The following PRKN variants were observed in gnomAD, a reference collection of about 807,000 sequenced individuals.
PRKN encodes E3 ubiquitin-protein ligase parkin.
Under a neutral mutation model 59.5 loss-of-function variants are expected in PRKN, and 56 were observed. The ratio of observed to expected loss-of-function variants is 0.94; its 90% confidence interval spans 0.76 to 1.18. The LOEUF is 1.18. Among genes scored for constraint, PRKN ranks in the 50% most tolerant of loss-of-function variants. The probability of loss-of-function intolerance (pLI) is 0.00; values close to 1 mark genes in which losing one functional copy is unlikely to be tolerated. For missense variants in PRKN, 657 were observed against 596.4 expected, an observed-to-expected ratio of 1.10 and a Z score of -1.06; for synonymous variants, 250 against 222.1, an observed-to-expected ratio of 1.13 and a Z score of -1.12.
At chr6:162,416,323 T>C (rs764648329) in intron 2 of PRKN, among the ~76,000 whole-genome samples, 6 of 152,230 alleles carry the variant, frequency 3.9e-5, no homozygotes, top group Non-Finnish European at 8.8e-5. Context: ...AAGATAATCG[T>C]AGCAGAGCAG....
chr6:161,711,768 T>G (rs774816343), intron 7 of PRKN, among the ~76,000 whole-genome samples: 14 of 152,206 alleles, frequency 9.2e-5, no homozygotes, highest in Non-Finnish European at 1.9e-4. Context: ...AAGAGCAGAC[T>G]GGCTGAGTCT....
At chr6:161,936,581 T>C (rs558367932) in intron 6 of PRKN, among the ~76,000 whole-genome samples, 1 of 152,220 alleles carries the variant, frequency 6.6e-6, no homozygotes, top group African/African-American at 2.4e-5. Context: ...AGAAAACGTC[T>C]GCTTATTATG....
At chr6:162,221,443 T>C (rs1414627847) in intron 3 of PRKN, among the ~76,000 whole-genome samples, 1 of 152,206 alleles carries the variant, frequency 6.6e-6, no homozygotes, top group Non-Finnish European at 1.5e-5. Flanking sequence ...CACTTTGCTA[T>C]CTTAAACCAA....
intron 5 of PRKN, among the ~76,000 whole-genome samples, chr6:162,020,354 A>C (rs1191763931): frequency 6.7e-6 from 1 of 148,690 alleles, no homozygotes; most frequent in African/African-American, 2.5e-5. Flanking sequence ...AAAAAAAAAA[A>C]AAAACAGATA....
At position 161,530,308 on chromosome 6, in the gene PRKN, A is replaced by C. The variant is rs1426585907; in HGVS notation, c.1083+18546T>G. The stretch of plus-strand genomic sequence containing the variant: ...GTTCAATATAAAAGTATCATTCCCC[A>C]CCCAGACCTGTCCCAGTGTCTAGGG... On this transcript the variant is annotated intron_variant, in intron 9 of 11. Coordinates refer to ENST00000366898, the MANE Select transcript of PRKN (RefSeq NM_004562.3). The surrounding 1 kb of genome is among the most constrained non-coding windows in gnomAD (Gnocchi z 5.0). Among the ~76,000 whole-genome samples the C allele has an allele frequency of 1.3e-5, 2 of 152,126 alleles. No homozygotes were observed.
At chr6:161,838,257 A>G in intron 6 of PRKN, among the ~76,000 whole-genome samples, 1 of 152,190 alleles carries the variant, frequency 6.6e-6, no homozygotes, top group East Asian at 1.9e-4. Context: ...CATGACCCAA[A>G]TTTTTAAACC....
At chr6:162,259,546 C>T (rs569612962) in intron 3 of PRKN, among the ~76,000 whole-genome samples, 6 of 152,328 alleles carry the variant, frequency 3.9e-5, no homozygotes, top group South Asian at 2.1e-4. Flanking sequence ...AGTAACTTTA[C>T]GCTATCATTT....
rs1407376327 is a variant in PRKN at position 161,566,072 on chromosome 6, TA to T, written c.933+3282del. 1.2e-4 allele frequency among the ~76,000 whole-genome samples: 18 copies of T among 152,350 alleles called. No individual in the cohort carries two copies. The South Asian group carries it at 3.1e-3, about 26-fold the overall frequency. ...ATAGACATGCTGCAATTTTTCCCAT[TA>T]AGAAGGTCATTTTCTTATCTCCATC... On this transcript the variant is annotated intron_variant, in intron 8 of 11. Transcript: ENST00000366898. The surrounding 1 kb of genome is among the most constrained non-coding windows in gnomAD (Gnocchi z 4.1).
intron 4 of PRKN, among the ~76,000 whole-genome samples, chr6:162,137,948 G>A (rs1781617783): frequency 6.6e-6 from 1 of 152,026 alleles, no homozygotes; most frequent in East Asian, 1.9e-4. Context: ...ATGCGGGACT[G>A]TGATCCCGAC....
In PRKN at chr6:161,529,146, C is replaced by T. The variant is rs147616679; in HGVS notation, c.1083+19708G>A. 4.2e-4 allele frequency among the ~76,000 whole-genome samples: 64 copies of T among 152,298 alleles called. No homozygotes were observed. The highest frequency in any genetic ancestry group is 1.5e-3 in the African/African-American group (61 of 41,574). ...ACGCTGCGTTCCTCTCCCTAGTCAC[C>T]GCATGCCTTCCTGTTCCAGTGAAAT... On this transcript the variant is annotated intron_variant, in intron 9 of 11. Coordinates refer to ENST00000366898, the MANE Select transcript of PRKN (RefSeq NM_004562.3). This position sits in a 1 kb window ranked among gnomAD's most constrained non-coding sequence, Gnocchi z 4.4.
At chr6:161,877,157 T>C (rs1348059804) in intron 6 of PRKN, among the ~76,000 whole-genome samples, 1 of 152,122 alleles carries the variant, frequency 6.6e-6, no homozygotes, top group East Asian at 1.9e-4. Flanking sequence ...TGAACCTTCA[T>C]TTCTGATGCA....
chr6:161,631,578 T>G (rs1258977856), intron 7 of PRKN, among the ~76,000 whole-genome samples: 1 of 152,260 alleles, frequency 6.6e-6, no homozygotes, highest in East Asian at 1.9e-4. Flanking sequence ...CTTATTTATT[T>G]AAAAATGTAT....
chr6:161,709,252 TAA>T (rs1212568716), intron 7 of PRKN, among the ~76,000 whole-genome samples: 2 of 152,222 alleles, frequency 1.3e-5, no homozygotes, highest in African/African-American at 4.8e-5. Context: ...GAGAATAATT[TAA>T]AGTTTCTCAC....
intron 7 of PRKN, among the ~76,000 whole-genome samples, chr6:161,692,205 A>G (rs569562592): frequency 6.6e-6 from 1 of 152,296 alleles, no homozygotes; most frequent in Admixed American, 6.5e-5. Context: ...CTACTTTAAG[A>G]TGGAAATATG....
At chr6:161,831,867 C>A (rs767870249) in intron 6 of PRKN, among the ~76,000 whole-genome samples, 1 of 152,196 alleles carries the variant, frequency 6.6e-6, no homozygotes, top group Non-Finnish European at 1.5e-5. Context: ...TGTTCCTGGT[C>A]CAAGTCCCTG....
chr6:161,779,425 T>TTTTTC (rs1562677908), intron 7 of PRKN, among the ~76,000 whole-genome samples: 1 of 119,206 alleles, frequency 8.4e-6, no homozygotes, highest in African/African-American at 3.1e-5. Context: ...TTTTTTTCTC[T>TTTTTC]TTTTCTTTTC....
rs1474166504 is a variant in PRKN, at chr6:162,339,262, C to T, written c.172-76497G>A. ...AGGTGGTGGGGGTCAGCCCCCCGCCCGGCCAGCCGCCCCGTCCGGGAGGGA... is the reference window on the plus strand; with the variant it reads ...AGGTGGTGGGGGTCAGCCCCCCGCCTGGCCAGCCGCCCCGTCCGGGAGGGA... On this transcript the variant is annotated intron_variant, in intron 2 of 11. Coordinates refer to ENST00000366898, the MANE Select transcript of PRKN (RefSeq NM_004562.3). Among the ~76,000 whole-genome samples, 39 of 143,862 alleles carry T rather than the reference C, an allele frequency of 2.7e-4. No individual in the cohort carries two copies. The South Asian group carries it at 4.8e-3, about 18-fold the overall frequency. The allele number at this position is 143,862 out of a possible 152,430, so 94.4% of individuals were successfully genotyped here. A position where few individuals can be genotyped will look rare whatever the true frequency, so the allele number is the denominator to read the frequency against.
At position 161,813,267 on chromosome 6, in the gene PRKN, C is replaced by T. The variant is rs190839215; in HGVS notation, c.735-27359G>A. 1.9e-3 allele frequency among the ~76,000 whole-genome samples: 292 copies of T among 152,198 alleles called. 1 individual carries two copies. Among genetic ancestry groups the T allele is most frequent in the Non-Finnish European group, 3.2e-3 (215 of 68,016 alleles). On this transcript the variant is annotated intron_variant, in intron 6 of 11. Coordinates refer to ENST00000366898, the MANE Select transcript of PRKN (RefSeq NM_004562.3). Reference sequence around the variant, plus strand: ...TCATCCTGGTTCAGCATCCCAGGTGCGCACCTGAGCATGTGAGTCCCCCTT... The same window carrying T: ...TCATCCTGGTTCAGCATCCCAGGTGTGCACCTGAGCATGTGAGTCCCCCTT...
chr6:162,118,805 C>CA (rs1483596380), intron 4 of PRKN, among the ~76,000 whole-genome samples: 2 of 152,200 alleles, frequency 1.3e-5, no homozygotes, highest in Admixed American at 1.3e-4. Context: ...GACAAATTAG[C>CA]AACATGGGCG....
Sources: allele counts gnomAD v4.1 joint callset (sites outside exome capture counted in the v4.1 genomes callset), GRCh38; gene constraint gnomAD v4.1.1; non-coding constraint Gnocchi (gnomAD v3.1); transcripts MANE v1.5; gene names NCBI Gene and HGNC (gene_info 2026-07-23, HGNC 2026-07-21).